CYP4Z1: variants seen among roughly 807,000 people sequenced by gnomAD.
The protein encoded by CYP4Z1 is cytochrome P450 family 4 subfamily Z member 1, also known as cytochrome P450 4Z1.
Under a neutral mutation model 54.2 loss-of-function variants are expected in CYP4Z1, and 41 were observed. That is an observed-to-expected ratio of 0.76 (90% confidence interval 0.59 to 0.98). CYP4Z1 has a LOEUF of 0.98. CYP4Z1 is among the 50% of genes least tolerant of loss of function. The pLI is 0.00. For synonymous variants in CYP4Z1, 163 were observed against 206.2 expected (o/e 0.79, Z 1.79); for missense variants, 513 against 599.0 (o/e 0.86, Z 1.50).
chr1:47,082,228 C>G lies in CYP4Z1; in HGVS notation c.365-106C>G, dbSNP rs903047386. Reference sequence around the variant, plus strand: ...TCACTCTTTCAAAGCTCTGTCCACTCTAACTTTTCTCCAGTGTCATAGATA... The same window carrying G: ...TCACTCTTTCAAAGCTCTGTCCACTGTAACTTTTCTCCAGTGTCATAGATA... On this transcript the variant is annotated intron_variant, in intron 3 of 11. Transcript: ENST00000334194. 7.2e-6 allele frequency: 10 copies of G among 1,396,108 alleles called. No individual in the cohort carries two copies. In the African/African-American group the frequency reaches 1.3e-4, roughly 18 times the overall value. The allele number at this position is 1,396,108 out of a possible 1,614,324, so 86.5% of individuals were successfully genotyped here.
chr1:47,094,445 A>G, intron 6 of CYP4Z1, 121 bp from the exon 7 acceptor site: 1 of 644,598 alleles, frequency 1.6e-6, no homozygotes, highest in Non-Finnish European at 2.6e-6. Context: ...CAACTCAGGA[A>G]CATTGGGTGG....
intron 7 of CYP4Z1, among the ~76,000 whole-genome samples, chr1:47,098,338 CCT>C (rs1457229377): frequency 1.3e-5 from 2 of 152,104 alleles, no homozygotes; most frequent in Admixed American, 6.5e-5. Context: ...CTTCACTTCC[CCT>C]GTTAGATGTA....
Position 47,094,655 on chromosome 1 carries a change from C to G in CYP4Z1, c.862C>G (p.Leu288Val), listed in dbSNP as rs1158480404. ...QKRRWDFLDI[L>V]LSAKSENTKD... ...AAGGCGCTGGGATTTTCTGGACATA[C>G]TTTTGAGTGCCAAAGTAAGTCTTCT... Residue 288 changes from leucine (L) to valine (V), a missense_variant, in exon 7 of 12, where the codon CTT (leucine) becomes GTT (valine). Transcript: ENST00000334194. The G allele has an allele frequency of 6.2e-7, 1 of 1,610,696 alleles. No homozygotes were observed. The highest frequency in any genetic ancestry group is 8.5e-7 in the Non-Finnish European group (1 of 1,178,854).
rs141218599 is a variant in CYP4Z1, at chr1:47,105,344, G to A, written c.1068-784G>A. ...CACTGCAGCTGCTGAGGACTCAGGGGTTTGTGGGACCCAGTGTGAGCTCTC... is the reference window on the plus strand; with the variant it reads ...CACTGCAGCTGCTGAGGACTCAGGGATTTGTGGGACCCAGTGTGAGCTCTC... On this transcript the variant is annotated intron_variant, in intron 8 of 11. Transcript: ENST00000334194. 3.9e-3 allele frequency among the ~76,000 whole-genome samples: 594 copies of A among 152,014 alleles called. 7 individuals are homozygous for A. Among genetic ancestry groups the A allele is most frequent in the African/African-American group, 0.013 (554 of 41,290 alleles).
At chr1:47,104,196 G>A (rs113221193) in intron 8 of CYP4Z1, among the ~76,000 whole-genome samples, 2,812 of 152,274 alleles carry the variant, frequency 0.018, 39 homozygotes, top group Non-Finnish European at 0.029. Flanking sequence ...TAGTGTAATC[G>A]CTGTATGATT....
chr1:47,067,681 A>C lies in CYP4Z1; in HGVS notation c.177+14A>C, dbSNP rs1444429858. 1.3e-6 allele frequency: 2 copies of C among 1,587,792 alleles called. No homozygotes were observed. The highest frequency in any genetic ancestry group is 1.7e-5 in the Admixed American group (1 of 58,156). On this transcript the variant is annotated intron_variant, in intron 1 of 11. Transcript: ENST00000334194. ...GGCCACAAGGAGGTAAGAGGAGAAA[A>C]TTAGTTGGGGAGGTTAAGGGACAGA...
chr1:47,064,184 G>T (rs1644438500), upstream of CYP4Z1, among the ~76,000 whole-genome samples: 1 of 149,000 alleles, frequency 6.7e-6, no homozygotes, highest in Non-Finnish European at 1.5e-5. Context: ...CTGGGTTCAA[G>T]TGATTCTCCT....
In CYP4Z1 at chr1:47,076,844, C is replaced by CAAAAAAAAAAAAAAAAAAAAAAAA. The variant is rs59854360; in HGVS notation, c.320-3761_320-3760insAAAAAAAAAAAAAAAAAAAAAAAA. Among the ~76,000 whole-genome samples the CAAAAAAAAAAAAAAAAAAAAAAAA allele has an allele frequency of 3.7e-3, 300 of 81,328 alleles. 1 individual carries two copies. Among genetic ancestry groups the CAAAAAAAAAAAAAAAAAAAAAAAA allele is most frequent in the Non-Finnish European group, 5.2e-3 (220 of 42,150 alleles). The allele number at this position is 81,328 out of a possible 152,430, so 53.4% of individuals were successfully genotyped here. A position where few individuals can be genotyped will look rare whatever the true frequency, so the allele number is the denominator to read the frequency against. ...TGGGCGACAGAGCCAGACGCTGTCT[C>CAAAAAAAAAAAAAAAAAAAAAAAA]AAAAAAAAAAAAAAAAAAGAATGTC... On this transcript the variant is annotated intron_variant, in intron 2 of 11. Transcript: ENST00000334194.
intron 9 of CYP4Z1, 39 bp downstream of exon 9, chr1:47,106,300 G>A (rs1644757502): frequency 6.3e-7 from 1 of 1,588,438 alleles, no homozygotes; most frequent in Non-Finnish European, 8.6e-7. Flanking sequence ...CAATGCAGCT[G>A]TGCTGGATTG....
intron 9 of CYP4Z1, among the ~76,000 whole-genome samples, chr1:47,114,828 A>T (rs1450639516): frequency 1.3e-5 from 2 of 152,308 alleles, no homozygotes; most frequent in East Asian, 3.9e-4. Context: ...AGAAATAGGG[A>T]CACTTTTACA....
At chr1:47,108,228 C>T (rs544541117) in intron 9 of CYP4Z1, among the ~76,000 whole-genome samples, 1 of 152,286 alleles carries the variant, frequency 6.6e-6, no homozygotes, top group South Asian at 2.1e-4. Flanking sequence ...CTCATACACA[C>T]AGGCACTCCA....
intron 6 of CYP4Z1, 41 bp from the exon 7 acceptor site, chr1:47,094,525 G>A: frequency 7.3e-7 from 1 of 1,365,574 alleles, no homozygotes; most frequent in Non-Finnish European, 1.0e-6. Flanking sequence ...TGACTTTCCA[G>A]TAACCTTGAT....
chr1:47,084,514 C>T lies in CYP4Z1; in HGVS notation c.493-106C>T, dbSNP rs142073055. The T allele has an allele frequency of 1.5e-3, 2,225 of 1,494,432 alleles. 54 individuals are homozygous for T. The South Asian group carries it at 0.027, about 18-fold the overall frequency. The allele number at this position is 1,494,432 out of a possible 1,614,324, so 92.6% of individuals were successfully genotyped here. A position where few individuals can be genotyped will look rare whatever the true frequency, so the allele number is the denominator to read the frequency against. ...CATAATAAGGCAAATTCATTTTGTA[C>T]GCTTTATATTTTCAAACCCAGCAAG... is the stretch of plus-strand genomic sequence containing the variant. On this transcript the variant is annotated intron_variant, in intron 4 of 11. Transcript: ENST00000334194.
intron 9 of CYP4Z1, among the ~76,000 whole-genome samples, chr1:47,111,668 T>C (rs1002631602): frequency 3.3e-5 from 5 of 152,214 alleles, no homozygotes; most frequent in Non-Finnish European, 4.4e-5. Context: ...TCCCCACTAA[T>C]AGAGGACAGA....
In CYP4Z1 at chr1:47,099,190, TG is replaced by T; in HGVS notation, c.975del (p.Trp325Ter). 1.2e-6 allele frequency: 2 copies of T among 1,614,022 alleles called. No individual in the cohort carries two copies. The highest frequency in any genetic ancestry group is 2.2e-5 in the South Asian group (2 of 91,076). ...GHDTTSSAIS[W>X]ILYCLAKYPE... ...TGACACCACATCCAGTGCTATCTCC[TG>T]GATCCTTTACTGCTTGGCAAAGTAC... On this transcript the variant is annotated frameshift_variant, in exon 8 of 12. Coordinates refer to ENST00000334194, the MANE Select transcript of CYP4Z1 (RefSeq NM_178134.3). LOFTEE classifies it high-confidence loss of function.
At chr1:47,115,629 G>T in intron 10 of CYP4Z1, 36 bp downstream of exon 10, 1 of 1,581,348 alleles carries the variant, frequency 6.3e-7, no homozygotes, top group Non-Finnish European at 8.7e-7. Context: ...TGGCATCTAA[G>T]ATAGCACCAA....
In CYP4Z1 at chr1:47,115,535, C is replaced by T; in HGVS notation, c.1208C>T (p.Thr403Ile). 1 of 1,612,672 alleles carries T rather than the reference C, an allele frequency of 6.2e-7. No individual in the cohort carries two copies. Among genetic ancestry groups the T allele is most frequent in the Non-Finnish European group, 8.5e-7 (1 of 1,179,330 alleles). ...PDGRSLPAGI[T>I]VFINIWALHH... is the part of the protein sequence containing the mutation. ...TTTTCTTCTGTTTACTCAGGAATAA[C>T]TGTGTTTATCAATATTTGGGCTCTT... Residue 403 changes from threonine to isoleucine, a missense_variant, in exon 10 of 12, where the codon ACT becomes ATT. By Grantham distance (89) the Thr-to-Ile change is moderately conservative. Transcript: ENST00000334194.
intron 4 of CYP4Z1, among the ~76,000 whole-genome samples, chr1:47,083,639 T>C (rs1432314393): frequency 6.6e-6 from 1 of 152,158 alleles, no homozygotes; most frequent in East Asian, 1.9e-4. Context: ...CTACTAAAAA[T>C]ACATGATCAT....
At position 47,097,863 on chromosome 1, in the gene CYP4Z1, T is replaced by A. The variant is rs1355355634; in HGVS notation, c.877-1231T>A. 1.0e-4 allele frequency among the ~76,000 whole-genome samples: 15 copies of A among 147,144 alleles called. No individual in the cohort carries two copies. In the East Asian group the frequency reaches 3.2e-3, roughly 32 times the overall value. ...GAGACTGACTCTCTGTCACCCAGGCTGGAGTGCAGTGGTGTGCTCCTGGCT... is the reference window on the plus strand; with the variant it reads ...GAGACTGACTCTCTGTCACCCAGGCAGGAGTGCAGTGGTGTGCTCCTGGCT... On this transcript the variant is annotated intron_variant, in intron 7 of 11. Coordinates refer to ENST00000334194, the MANE Select transcript of CYP4Z1 (RefSeq NM_178134.3).
Sources: allele counts gnomAD v4.1 joint callset (sites outside exome capture counted in the v4.1 genomes callset), GRCh38; gene constraint gnomAD v4.1.1; transcripts MANE v1.5; gene names NCBI Gene and HGNC (gene_info 2026-07-23, HGNC 2026-07-21).